The following SFTPD variants were observed in gnomAD, a reference collection of about 807,000 sequenced individuals.
SFTPD encodes the protein pulmonary surfactant-associated protein D.
In SFTPD, 18 loss-of-function variants were observed where a neutral mutation model predicts 34.6. That is an observed-to-expected ratio of 0.52 (90% CI 0.36 to 0.77). SFTPD has a LOEUF of 0.77. Among genes scored for constraint, SFTPD ranks in the 30% least tolerant of loss-of-function variants. The pLI is 0.00. For missense variants in SFTPD, 433 were observed against 468.9 expected (o/e 0.92, Z 0.71); for synonymous variants, 155 against 180.9 (o/e 0.86, Z 1.15).
intron 1 of SFTPD, chr10:79,970,913 G>A (rs1314539491): frequency 1.3e-5 from 2 of 152,154 alleles, no homozygotes; most frequent in African/African-American, 4.8e-5. Context: ...TTGAATTAAA[G>A]TGGTGAGAGT....
chr10:79,961,094 A>T (rs898350998), intron 1 of SFTPD, among the ~76,000 whole-genome samples: 7 of 152,138 alleles, frequency 4.6e-5, no homozygotes, highest in African/African-American at 9.6e-5. Flanking sequence ...GCTAGCCATA[A>T]GTAGAAAGCT....
intron 1 of SFTPD, among the ~76,000 whole-genome samples, chr10:79,958,343 G>T (rs558683378): frequency 2.0e-5 from 3 of 152,158 alleles, no homozygotes; most frequent in Non-Finnish European, 4.4e-5. Flanking sequence ...CCAATTAAAA[G>T]ACACAGACTG....
chr10:79,942,244 G>A (rs751759596), intron 4 of SFTPD, 144 bp downstream of exon 4: 38 of 730,680 alleles, frequency 5.2e-5, no homozygotes, highest in Admixed American at 6.8e-5. Flanking sequence ...TTGCAGTTGT[G>A]GGGATTGGGA....
At chr10:79,961,781 A>G (rs1842774541) in intron 1 of SFTPD, among the ~76,000 whole-genome samples, 1 of 152,162 alleles carries the variant, frequency 6.6e-6, no homozygotes, top group Non-Finnish European at 1.5e-5. Flanking sequence ...TGACCCAGCC[A>G]TCCCATTACT....
At chr10:79,964,219 T>C (rs1379545923) in intron 1 of SFTPD, among the ~76,000 whole-genome samples, 1 of 152,174 alleles carries the variant, frequency 6.6e-6, no homozygotes, top group Non-Finnish European at 1.5e-5. Flanking sequence ...CACCATACTG[T>C]TATATGGGCA....
chr10:79,942,316 C>A, intron 4 of SFTPD, 72 bp downstream of exon 4: 1 of 1,067,634 alleles, frequency 9.4e-7, no homozygotes, highest in Non-Finnish European at 1.4e-6. Context: ...TCTGAGCACG[C>A]CTCAGGTCAT....
At chr10:79,950,103 G>A (rs555890404), upstream of SFTPD, 1 of 152,056 alleles carries the variant, frequency 6.6e-6, no homozygotes, top group South Asian at 2.1e-4. Context: ...TCAGCCTACC[G>A]AAGTTCTGAG....
chr10:79,962,582 T>C lies in SFTPD; in HGVS notation c.37-15920A>G, dbSNP rs76262387. Reference sequence around the variant, plus strand: ...TCCTCTCCTCCATTCACCTGTCTTATGTTTTTTAACTCCATTGTCCTCCAC... The same window carrying C: ...TCCTCTCCTCCATTCACCTGTCTTACGTTTTTTAACTCCATTGTCCTCCAC... On this transcript the variant is annotated intron_variant, in intron 1 of 5. Coordinates refer to the SFTPD transcript ENST00000444384. Among the ~76,000 whole-genome samples, 710 of 152,304 alleles carry C rather than the reference T, an allele frequency of 4.7e-3. 37 individuals are homozygous for C. The East Asian group carries it at 0.12, about 26-fold the overall frequency.
rs1014196875 is a variant in SFTPD, at chr10:79,973,173, A to G, written c.36+9402T>C. The G allele has an allele frequency of 2.4e-4, 36 of 152,336 alleles. 1 individual carries two copies. Among genetic ancestry groups the G allele is most frequent in the African/African-American group, 8.7e-4 (36 of 41,568 alleles). 9.4% of individuals were successfully genotyped at this position (152,336 alleles called of 1,614,324 possible). ...TGTTAGTATTAACATGCATATCATG[A>G]AGCTTCCCTTTTTATTATAAATAAA... On this transcript the variant is annotated intron_variant, in intron 1 of 5. Transcript: ENST00000444384.
chr10:79,979,023 G>A (rs1004482631), intron 1 of SFTPD, among the ~76,000 whole-genome samples: 1 of 151,972 alleles, frequency 6.6e-6, no homozygotes, highest in African/African-American at 2.4e-5. Flanking sequence ...AAACCAAAGT[G>A]CAAAAATCGG....
chr10:79,951,940 G>C (rs1292543371), upstream of SFTPD, among the ~76,000 whole-genome samples: 1 of 152,220 alleles, frequency 6.6e-6, no homozygotes, highest in South Asian at 2.1e-4. Flanking sequence ...GTCTCCACCA[G>C]AGTGGGAAGG....
At chr10:79,981,851 A>G in intron 1 of SFTPD, 1 of 230,736 alleles carries the variant, frequency 4.3e-6, no homozygotes, top group Non-Finnish European at 8.5e-6. Flanking sequence ...GGCGCACCAG[A>G]ACCTAAACCA....
rs750277305 is a variant in SFTPD at position 79,940,688 on chromosome 10, C to T, written c.751+17G>A. ...CCAATGCCAGTGCTGGGTCCAGGTT[C>T]AGATCCAGGAACTCACCTTTCTTAT... On this transcript the variant is annotated intron_variant, in intron 7 of 7. Transcript: ENST00000372292. 2.6e-5 allele frequency: 40 copies of T among 1,545,784 alleles called. No homozygotes were observed. In the Admixed American group the frequency reaches 6.7e-4, roughly 26 times the overall value.
intron 4 of SFTPD, 104 bp downstream of exon 4, chr10:79,942,284 G>A: frequency 1.2e-6 from 1 of 818,850 alleles, no homozygotes; most frequent in Admixed American, 2.0e-5. Context: ...GCAGCATCAA[G>A]GGTCTGGGCT....
chr10:79,944,566 TA>T (rs1464040273), intron 2 of SFTPD, among the ~76,000 whole-genome samples: 2 of 151,824 alleles, frequency 1.3e-5, no homozygotes, highest in Non-Finnish European at 2.9e-5. Context: ...TGGAGCTGAG[TA>T]GGGGTGGCAG....
At chr10:79,981,959 CT>C in intron 1 of SFTPD, 1 of 321,358 alleles carries the variant, frequency 3.1e-6, no homozygotes, top group Non-Finnish European at 5.8e-6. Flanking sequence ...TCCTCGTCTC[CT>C]TGTCTCCCGT....
At chr10:79,945,653 G>A (rs1032584826) in intron 2 of SFTPD, among the ~76,000 whole-genome samples, 4 of 152,158 alleles carry the variant, frequency 2.6e-5, no homozygotes, top group Non-Finnish European at 5.9e-5. Context: ...AGGTACAGCA[G>A]AAAATGCAAC....
At chr10:79,957,317 CTGAGA>C (rs1194447187) in intron 1 of SFTPD, among the ~76,000 whole-genome samples, 2 of 152,162 alleles carry the variant, frequency 1.3e-5, no homozygotes, top group Admixed American at 6.6e-5. Flanking sequence ...CTTTGATGAG[CTGAGA>C]TAAGAAGGCT....
chr10:79,940,584 G>A (rs987328543), intron 7 of SFTPD, 121 bp downstream of exon 7: 1 of 664,388 alleles, frequency 1.5e-6, no homozygotes, highest in Non-Finnish European at 2.8e-6. Context: ...CCTAGACCCA[G>A]GGCAGGCTCT....
Sources: gnomAD v4.1 joint callset for allele counts (sites outside exome capture counted in the v4.1 genomes callset) on GRCh38, gnomAD v4.1.1 for gene constraint, MANE v1.5 for transcripts, NCBI Gene and HGNC (gene_info 2026-07-23, HGNC 2026-07-21) for gene names.